Variants in ACOXL observed in about 807,000 individuals in gnomAD.
ACOXL encodes the protein acyl-coenzyme A oxidase-like protein.
ACOXL carries 70 observed loss-of-function variants against 71.9 expected under a neutral mutation model. The observed-to-expected ratio is 0.97, with a 90% CI of 0.80 to 1.19. ACOXL has a LOEUF of 1.19. Ranked by LOEUF, ACOXL falls within the 50% of genes most tolerant of loss-of-function variation. The pLI is 0.00. For missense variants in ACOXL, 703 were observed against 736.3 expected, an observed-to-expected ratio of 0.95 and a Z score of 0.52; for synonymous variants, 253 against 281.6, an observed-to-expected ratio of 0.90 and a Z score of 1.02.
intron 1 of ACOXL, among the ~76,000 whole-genome samples, chr2:110,744,820 C>G (rs942504323): frequency 1.3e-5 from 2 of 152,182 alleles, no homozygotes; most frequent in African/African-American, 4.8e-5. Context: ...GGCATACTCT[C>G]TCATCTTGGA....
intron 14 of ACOXL, among the ~76,000 whole-genome samples, chr2:111,012,427 A>T (rs2064213389): frequency 6.6e-6 from 1 of 152,226 alleles, no homozygotes; most frequent in South Asian, 2.1e-4. Context: ...GTCTGGAATC[A>T]GACTTACAGT....
chr2:111,005,137 C>G lies in ACOXL; in HGVS notation c.1281+9133C>G, dbSNP rs144968057. ...CCAAGGGCTGATTCCTGTTTTCTCTCTCATCACCTGTGGCATTCTCCCACC... is the reference window on the plus strand; with the variant it reads ...CCAAGGGCTGATTCCTGTTTTCTCTGTCATCACCTGTGGCATTCTCCCACC... On this transcript the variant is annotated intron_variant, in intron 14 of 17. Coordinates refer to ENST00000439055, the MANE Select transcript of ACOXL (RefSeq NM_001142807.4). Among the ~76,000 whole-genome samples, 175 of 152,350 alleles carry G rather than the reference C, an allele frequency of 1.1e-3. 1 individual carries two copies. The highest frequency in any genetic ancestry group is 4.0e-3 in the African/African-American group (167 of 41,578).
Position 110,953,476 on chromosome 2 carries a change from A to G in ACOXL, c.1059+19834A>G, listed in dbSNP as rs202017208. Among the ~76,000 whole-genome samples, 6 of 152,166 alleles carry G rather than the reference A, an allele frequency of 3.9e-5. No homozygotes were observed. The East Asian group carries it at 1.2e-3, about 29-fold the overall frequency. On this transcript the variant is annotated intron_variant, in intron 12 of 17. Transcript: ENST00000439055. ...TGCCTCAGAGGAGTGCGTCTTCTGC[A>G]ATTGGATGCAGGGTTTCAAAGGAGA...
intron 17 of ACOXL, among the ~76,000 whole-genome samples, chr2:111,095,391 CTTTTTTTTT>C (rs780172456): frequency 3.4e-5 from 4 of 116,592 alleles, no homozygotes; most frequent in Admixed American, 1.0e-4. Context: ...TTTTCTTTTT[CTTTTTTTTT>C]TTTTTTTTTG....
chr2:110,773,545 C>T (rs1222099167), intron 2 of ACOXL, among the ~76,000 whole-genome samples: 2 of 152,282 alleles, frequency 1.3e-5, no homozygotes, highest in African/African-American at 2.4e-5. Flanking sequence ...AGACTGTGAC[C>T]GCTGTACTCC....
intron 16 of ACOXL, among the ~76,000 whole-genome samples, chr2:111,052,365 G>A (rs1178344915): frequency 6.6e-6 from 1 of 152,130 alleles, no homozygotes; most frequent in Non-Finnish European, 1.5e-5. Context: ...GTGGTGGCAG[G>A]CTTCTGGAGT....
At chr2:110,905,013 CT>C (rs1227202148) in intron 10 of ACOXL, among the ~76,000 whole-genome samples, 3 of 152,230 alleles carry the variant, frequency 2.0e-5, no homozygotes, top group Non-Finnish European at 2.9e-5. Context: ...CTGGGAGCCC[CT>C]GTCCCTCCAG....
At chr2:110,805,460 A>G (rs771623021) in intron 9 of ACOXL, 65 bp downstream of exon 9, 60 of 1,601,292 alleles carry the variant, frequency 3.7e-5, no homozygotes, top group Non-Finnish European at 3.9e-5. Flanking sequence ...GGGATGAGTA[A>G]CAATTCCAGG....
intron 1 of ACOXL, 102 bp from the exon 2 acceptor site, chr2:110,768,266 C>A (rs1209375958): frequency 3.5e-6 from 3 of 860,670 alleles, no homozygotes; most frequent in African/African-American, 1.7e-5. Context: ...ACAAGCATTA[C>A]AATGGACACA....
intron 11 of ACOXL, among the ~76,000 whole-genome samples, chr2:110,913,533 T>G (rs1004303172): frequency 1.3e-5 from 2 of 152,196 alleles, no homozygotes; most frequent in Non-Finnish European, 2.9e-5. Flanking sequence ...TCCATTGATA[T>G]GAAATTTCCA....
At chr2:110,755,849 C>CA (rs1197744876) in intron 1 of ACOXL, among the ~76,000 whole-genome samples, 2 of 152,040 alleles carry the variant, frequency 1.3e-5, no homozygotes, top group African/African-American at 2.4e-5. Flanking sequence ...TTCCCACCTC[C>CA]ACCCCACATA....
At chr2:110,853,564 T>C (rs1341394065) in intron 10 of ACOXL, among the ~76,000 whole-genome samples, 1 of 152,232 alleles carries the variant, frequency 6.6e-6, no homozygotes, top group African/African-American at 2.4e-5. Flanking sequence ...TGTCTAAGCA[T>C]AGAAATTAAA....
chr2:111,074,825 G>A lies in ACOXL; in HGVS notation c.1441-18040G>A, dbSNP rs2067519134. On this transcript the variant is annotated intron_variant, in intron 16 of 17. Transcript: ENST00000439055. Reference sequence around the variant, plus strand: ...GTCCCAGCTTGTCTCAAACTCCTGGGTTCAAGTGATCCACTCACCTTGTCC... The same window carrying A: ...GTCCCAGCTTGTCTCAAACTCCTGGATTCAAGTGATCCACTCACCTTGTCC... Among the ~76,000 whole-genome samples the A allele has an allele frequency of 2.6e-5, 4 of 152,028 alleles. No individual in the cohort carries two copies. In the East Asian group the frequency reaches 5.8e-4, roughly 22 times the overall value.
intron 14 of ACOXL, among the ~76,000 whole-genome samples, chr2:111,003,579 A>AAAAAAAAAAAAT (rs1292631397): frequency 6.8e-6 from 1 of 146,772 alleles, no homozygotes; most frequent in Non-Finnish European, 1.5e-5. Flanking sequence ...AAAAAAAAAA[A>AAAAAAAAAAAAT]GAATCACAGA....
intron 17 of ACOXL, among the ~76,000 whole-genome samples, chr2:111,113,362 T>A (rs1447130684): frequency 1.3e-5 from 2 of 152,210 alleles, no homozygotes; most frequent in African/African-American, 2.4e-5. Context: ...CTCTGTAATC[T>A]GGCACACAGT....
At chr2:110,765,382 C>T (rs1680918561) in intron 1 of ACOXL, among the ~76,000 whole-genome samples, 1 of 152,054 alleles carries the variant, frequency 6.6e-6, no homozygotes. Flanking sequence ...GGTCCAGTCT[C>T]TCTTTTTTTT....
chr2:110,820,998 C>T (rs1449489595), intron 9 of ACOXL, among the ~76,000 whole-genome samples: 1 of 152,186 alleles, frequency 6.6e-6, no homozygotes, highest in Non-Finnish European at 1.5e-5. Flanking sequence ...ATGTATGATT[C>T]ACCTTCGGAT....
chr2:110,838,601 G>T (rs1301991539), intron 9 of ACOXL, among the ~76,000 whole-genome samples: 3 of 152,166 alleles, frequency 2.0e-5, no homozygotes, highest in African/African-American at 7.2e-5. Flanking sequence ...TAGGAATGAG[G>T]AAGAGCAGGC....
chr2:111,043,713 A>T (rs2065890542), intron 15 of ACOXL, among the ~76,000 whole-genome samples: 1 of 152,108 alleles, frequency 6.6e-6, no homozygotes, highest in South Asian at 2.1e-4. Flanking sequence ...TCAGTAAGGG[A>T]GGTCGCTGCC....
Sources: gnomAD v4.1 joint callset for allele counts (sites outside exome capture counted in the v4.1 genomes callset) on GRCh38, gnomAD v4.1.1 for gene constraint, MANE v1.5 for transcripts, NCBI Gene and HGNC (gene_info 2026-07-23, HGNC 2026-07-21) for gene names.